The following HMCN1 variants were observed in gnomAD, a reference collection of about 807,000 sequenced individuals.
HMCN1 encodes the protein hemicentin-1.
Under a neutral mutation model 625.9 loss-of-function variants are expected in HMCN1, and 321 were observed. The observed-to-expected ratio is 0.51, with a 90% confidence interval of 0.47 to 0.56. The LOEUF (loss-of-function observed/expected upper bound fraction) is 0.56, where lower values mean the gene tolerates loss of function less well. Among genes scored for constraint, HMCN1 ranks in the 20% least tolerant of loss-of-function variants. HMCN1 has a pLI of 0.00. For synonymous variants in HMCN1, 2,425 were observed against 2,417.6 expected (o/e 1.00, Z -0.09); for missense variants, 6,588 against 6,887.3 (o/e 0.96, Z 1.54).
At chr1:186,059,339 T>C (rs144890510) in intron 46 of HMCN1, among the ~76,000 whole-genome samples, 1 of 152,202 alleles carries the variant, frequency 6.6e-6, no homozygotes, top group East Asian at 1.9e-4. Context: ...TTAAAAAATG[T>C]TCACTTGCTA....
At chr1:185,791,725 T>TAAACAAACAAAC (rs142418524) in intron 1 of HMCN1, among the ~76,000 whole-genome samples, 30 of 151,832 alleles carry the variant, frequency 2.0e-4, no homozygotes, top group African/African-American at 7.3e-4. Context: ...ATCTCAAAAA[T>TAAACAAACAAAC]AAACAAACAA....
chr1:186,016,922 G>C, intron 32 of HMCN1, 41 bp from the exon 33 acceptor site: 1 of 1,080,590 alleles, frequency 9.3e-7, no homozygotes. Context: ...GTTTTTTGTT[G>C]TATACATTTC....
intron 2 of HMCN1, among the ~76,000 whole-genome samples, chr1:185,850,735 G>C (rs1662109494): frequency 6.6e-6 from 1 of 151,712 alleles, no homozygotes; most frequent in African/African-American, 2.4e-5. Flanking sequence ...CTATTTCTCT[G>C]TAGGTTTCCC....
At chr1:186,168,500 A>G (rs1044533669) in intron 100 of HMCN1, among the ~76,000 whole-genome samples, 4 of 145,292 alleles carry the variant, frequency 2.8e-5, no homozygotes, top group Non-Finnish European at 6.0e-5. Flanking sequence ...AGTTAAGTTA[A>G]CACATTGTAG....
chr1:186,122,807 A>T (rs1036923247), intron 80 of HMCN1, 144 bp from the exon 81 acceptor site: 1 of 862,738 alleles, frequency 1.2e-6, no homozygotes, highest in Non-Finnish European at 1.8e-6. Flanking sequence ...CCCATGAAAA[A>T]ATGTAGTGCT....
chr1:185,807,898 A>G (rs1265607745), intron 1 of HMCN1, among the ~76,000 whole-genome samples: 1 of 152,176 alleles, frequency 6.6e-6, no homozygotes, highest in East Asian at 1.9e-4. Context: ...AGTGACGGGA[A>G]TATTCTCTTT....
At chr1:185,784,113 G>T (rs534163946) in intron 1 of HMCN1, among the ~76,000 whole-genome samples, 28 of 152,336 alleles carry the variant, frequency 1.8e-4, no homozygotes, top group African/African-American at 6.7e-4. Context: ...TGCTGTGCTA[G>T]CAATGAGCAA....
intron 50 of HMCN1, among the ~76,000 whole-genome samples, chr1:186,068,808 G>A (rs1223690868): frequency 3.4e-5 from 5 of 145,354 alleles, no homozygotes; most frequent in African/African-American, 1.3e-4. Context: ...GGCGGAGGTT[G>A]CAGTAAGCCG....
At chr1:185,759,170 T>C (rs1655325082) in intron 1 of HMCN1, among the ~76,000 whole-genome samples, 1 of 152,182 alleles carries the variant, frequency 6.6e-6, no homozygotes, top group Non-Finnish European at 1.5e-5. Flanking sequence ...CACTTGAGAA[T>C]GTTGTCCTTC....
At chr1:185,919,449 CT>C (rs1487269234) in intron 6 of HMCN1, among the ~76,000 whole-genome samples, 1 of 152,132 alleles carries the variant, frequency 6.6e-6, no homozygotes, top group African/African-American at 2.4e-5. Flanking sequence ...AGCAAGCATT[CT>C]GTGAATTTGG....
chr1:185,978,293 C>A, intron 16 of HMCN1: 1 of 277,164 alleles, frequency 3.6e-6, no homozygotes, highest in Non-Finnish European at 6.8e-6. Flanking sequence ...GTCACATTAC[C>A]TTGATTCTTG....
intron 92 of HMCN1, 44 bp downstream of exon 92, chr1:186,145,617 A>G: frequency 6.2e-7 from 1 of 1,611,708 alleles, no homozygotes; most frequent in East Asian, 2.2e-5. Flanking sequence ...AAAGCATTTC[A>G]TTTAGTGCTC....
chr1:186,179,188 G>A (rs1170019507), intron 104 of HMCN1, among the ~76,000 whole-genome samples: 5 of 152,154 alleles, frequency 3.3e-5, no homozygotes, highest in Non-Finnish European at 7.3e-5. Flanking sequence ...CTTCTCGGTC[G>A]ACTGCTTGTT....
intron 68 of HMCN1, among the ~76,000 whole-genome samples, chr1:186,102,532 T>A (rs1330426411): frequency 6.6e-6 from 1 of 152,096 alleles, no homozygotes; most frequent in Non-Finnish European, 1.5e-5. Context: ...ATTAGGTAAA[T>A]AATGTTGGTA....
intron 102 of HMCN1, among the ~76,000 whole-genome samples, chr1:186,174,176 G>T (rs1179562826): frequency 6.6e-6 from 1 of 152,156 alleles, no homozygotes; most frequent in Admixed American, 6.5e-5. Flanking sequence ...TAGATCAGAA[G>T]CAATGTAGCA....
chr1:186,054,932 T>C (rs369217324), intron 44 of HMCN1, among the ~76,000 whole-genome samples: 2 of 152,002 alleles, frequency 1.3e-5, no homozygotes, highest in African/African-American at 2.4e-5. Flanking sequence ...AATTCATTCA[T>C]GTGGTTACCC....
At chr1:185,791,686 C>A (rs6671094) in intron 1 of HMCN1, among the ~76,000 whole-genome samples, 13,831 of 152,090 alleles carry the variant, frequency 0.091, 2,034 homozygotes, top group African/African-American at 0.31. Context: ...TGTGCCACTG[C>A]ATTCCAGCCT....
chr1:185,830,657 T>C (rs1459179446), intron 1 of HMCN1, among the ~76,000 whole-genome samples: 1 of 152,046 alleles, frequency 6.6e-6, no homozygotes. Flanking sequence ...TTTGGGAGGC[T>C]GGGCAGATCA....
At chr1:185,742,603 G>A (rs1654063863) in intron 1 of HMCN1, among the ~76,000 whole-genome samples, 1 of 152,100 alleles carries the variant, frequency 6.6e-6, no homozygotes, top group Non-Finnish European at 1.5e-5. Context: ...AATATGTATA[G>A]GAAAAAGAGC....
Sources: allele counts gnomAD v4.1 joint callset (sites outside exome capture counted in the v4.1 genomes callset), GRCh38; gene constraint gnomAD v4.1.1; transcripts MANE v1.5; gene names NCBI Gene and HGNC (gene_info 2026-07-23, HGNC 2026-07-21).